Variants in OR13A1 observed in about 807,000 individuals in gnomAD.
OR13A1 encodes the protein olfactory receptor 13A1.
Under a neutral mutation model 7.5 loss-of-function variants are expected in OR13A1, and 10 were observed. That is an observed-to-expected ratio of 1.34 (90% confidence interval 0.83 to 2.27). OR13A1 has a LOEUF of 2.27. OR13A1 is among the 30% of genes most tolerant of loss of function. The probability of loss-of-function intolerance (pLI) is 0.00; values close to 1 mark genes in which losing one functional copy is unlikely to be tolerated. For synonymous variants in OR13A1, 238 were observed against 177.9 expected (o/e 1.34, Z -2.69); for missense variants, 509 against 419.1 (o/e 1.21, Z -1.87).
chr10:45,303,781 A>T lies in OR13A1; in HGVS notation c.642T>A (p.Gly214=), dbSNP rs771786724. 6.2e-7 allele frequency: 1 copy of T among 1,613,896 alleles called. No homozygotes were observed. The highest frequency in any genetic ancestry group is 8.5e-7 in the Non-Finnish European group (1 of 1,180,048). ...AAGCATCCGCCAGGACAATCATGACACCGTTGACGTAGGTGGAGCTGCAGG... is the reference window on the plus strand; with the variant it reads ...AAGCATCCGCCAGGACAATCATGACTCCGTTGACGTAGGTGGAGCTGCAGG... The part of the protein sequence containing the change: ...LLSCSSTYVN[G]VMIVLADAFY... Residue 214 remains glycine, a synonymous_variant, in exon 4 of 4, where the codon GGT becomes GGA. Transcript: ENST00000553795.
In OR13A1 at chr10:45,312,516, G is replaced by GA. The variant is rs1456832155; in HGVS notation, c.-225+3007dup. ...ACTAAAAATACCTTCTGAAAATGAA[G>GA]AAAAAACATTTCACAAATATAAAAG... On this transcript the variant is annotated intron_variant, in intron 1 of 3. Transcript: ENST00000553795. 4.0e-5 allele frequency among the ~76,000 whole-genome samples: 6 copies of GA among 149,304 alleles called. No individual in the cohort carries two copies. In the East Asian group the frequency reaches 7.9e-4, roughly 20 times the overall value.
intron 1 of OR13A1, among the ~76,000 whole-genome samples, chr10:45,314,791 T>C (rs531625388): frequency 3.2e-4 from 48 of 152,238 alleles, no homozygotes; most frequent in Non-Finnish European, 5.3e-4. Flanking sequence ...GTTAATTATA[T>C]GTCAACAAAT....
chr10:45,311,223 C>T (rs948494513), intron 1 of OR13A1, among the ~76,000 whole-genome samples: 1 of 152,208 alleles, frequency 6.6e-6, no homozygotes, highest in African/African-American at 2.4e-5. Context: ...CAGCCATAGC[C>T]TTGGGTGCAT....
Position 45,303,529 on chromosome 10 carries a change from C to T in OR13A1, c.894G>A (p.Val298=). The part of the protein sequence containing the change: ...KSKLAGLLYT[V]LSPTLNPLIY... ...TGAGGGGGTTGAGGGTAGGACTCAGCACAGTGTACAGCAGGCCAGCCAACT... is the reference window on the plus strand; with the variant it reads ...TGAGGGGGTTGAGGGTAGGACTCAGTACAGTGTACAGCAGGCCAGCCAACT... The change falls in exon 4 of 4, where the codon GTG becomes GTA. Residue 298 remains valine (V), a synonymous_variant. Coordinates refer to ENST00000553795, the MANE Select transcript of OR13A1 (RefSeq NM_001004297.3). 6.2e-7 allele frequency: 1 copy of T among 1,614,110 alleles called. No homozygotes were observed. Among genetic ancestry groups the T allele is most frequent in the Non-Finnish European group, 8.5e-7 (1 of 1,180,032 alleles).
intron 1 of OR13A1, among the ~76,000 whole-genome samples, chr10:45,312,566 T>C (rs1265971655): frequency 1.6e-5 from 2 of 122,276 alleles, no homozygotes; most frequent in Non-Finnish European, 3.6e-5. Context: ...CATCAGAAGA[T>C]ATGAACAAAA....
At position 45,303,822 on chromosome 10, in the gene OR13A1, G is replaced by A. The variant is rs539796594; in HGVS notation, c.601C>T (p.Pro201Ser). ...GAGCTGCAGGAGAGAAGCAGCAGGGGAGGGACCTCGCAGAAGAAATGGATA... is the reference window on the plus strand; with the variant it reads ...GAGCTGCAGGAGAGAAGCAGCAGGGAAGGGACCTCGCAGAAGAAATGGATA... ...VIIHFFCEVP[P>S]LLLLSCSSTY... Residue 201 changes from proline to serine, a missense_variant, in exon 4 of 4, where the codon CCC becomes TCC. Pro to Ser is a moderately conservative substitution (Grantham distance 74, BLOSUM62 -1). Coordinates refer to ENST00000553795, the MANE Select transcript of OR13A1 (RefSeq NM_001004297.3). 3.1e-6 allele frequency: 5 copies of A among 1,613,108 alleles called. No individual in the cohort carries two copies. Among genetic ancestry groups the A allele is most frequent in the African/African-American group, 2.7e-5 (2 of 75,066 alleles).
At chr10:45,306,479 A>G (rs2133039285) in intron 3 of OR13A1, among the ~76,000 whole-genome samples, 1 of 152,228 alleles carries the variant, frequency 6.6e-6, no homozygotes, top group Middle Eastern at 3.4e-3. Context: ...GTTAACGAAG[A>G]TATTCATTTT....
intron 3 of OR13A1, 42 bp from the exon 4 acceptor site, chr10:45,304,476 C>T (rs912111489): frequency 2.6e-6 from 4 of 1,532,192 alleles, no homozygotes; most frequent in Admixed American, 3.7e-5. Context: ...AGGCTGCTCC[C>T]GTGTTTCTTC....
chr10:45,304,403 C>T lies in OR13A1; in HGVS notation c.20G>A (p.Ser7Asn), dbSNP rs760841549. 6.2e-7 allele frequency: 1 copy of T among 1,613,038 alleles called. No homozygotes were observed. Among genetic ancestry groups the T allele is most frequent in the Non-Finnish European group, 8.5e-7 (1 of 1,179,656 alleles). The change falls in exon 4 of 4, where the codon AGT (serine) becomes AAT (asparagine). Residue 7 changes from serine to asparagine, a missense_variant. Physicochemically the swap from Ser to Asn is conservative, Grantham distance 46 (BLOSUM62 1). Transcript: ENST00000553795. MKLWME[S>N]HLIVPETRPS... ...ACGGGTTTCTGGGACTATCAGGTGA[C>T]TCTCCATCCACAGCTTCATGTGATT...
At position 45,302,878 on chromosome 10, in the gene OR13A1, C is replaced by G. The variant is rs530402831; in HGVS notation, c.*558G>C. On this transcript the variant is annotated 3_prime_UTR_variant, in exon 4 of 4. Transcript: ENST00000553795. ...GAAGAAAAGACAAAAGCAGAAACAA[C>G]AGTTTGCATTAAAATCAAACTATTT... 6.6e-6 allele frequency: 1 copy of G among 152,566 alleles called. No homozygotes were observed. Among genetic ancestry groups the G allele is most frequent in the African/African-American group, 2.4e-5 (1 of 41,572 alleles). 9.5% of individuals were successfully genotyped at this position (152,566 alleles called of 1,614,324 possible). A position where few individuals can be genotyped will look rare whatever the true frequency, so the allele number is the denominator to read the frequency against.
chr10:45,310,755 A>T (rs574704638), intron 1 of OR13A1, among the ~76,000 whole-genome samples: 1 of 152,242 alleles, frequency 6.6e-6, no homozygotes, highest in African/African-American at 2.4e-5. Flanking sequence ...CGAGGAAGAA[A>T]AAAAGGATGA....
chr10:45,309,150 C>T (rs1208594804), intron 1 of OR13A1, among the ~76,000 whole-genome samples: 4 of 152,130 alleles, frequency 2.6e-5, no homozygotes, highest in Non-Finnish European at 5.9e-5. Flanking sequence ...TCCCAGCTCA[C>T]AGAATCTGGG....
Position 45,303,751 on chromosome 10 carries a change from G to T in OR13A1, c.672C>A (p.Tyr224Ter). Residue 224 changes from tyrosine to a stop codon, truncating the protein, a stop_gained, in exon 4 of 4, where the codon TAC becomes TAA. Coordinates refer to ENST00000553795, the MANE Select transcript of OR13A1 (RefSeq NM_001004297.3). LOFTEE classifies it low-confidence loss of function (END_TRUNC). ...TGGTCATCAGGAAGTTCACTATGCC[G>T]TAGAAAGCATCCGCCAGGACAATCA... Reference protein sequence around the residue: ...GVMIVLADAFYGIVNFLMTIA... With the variant: ...GVMIVLADAF 2 of 1,614,124 alleles carry T rather than the reference G, an allele frequency of 1.2e-6. No homozygotes were observed. The highest frequency in any genetic ancestry group is 1.7e-6 in the Non-Finnish European group (2 of 1,180,032).
chr10:45,313,950 G>A (rs965857783), intron 1 of OR13A1, among the ~76,000 whole-genome samples: 4 of 143,074 alleles, frequency 2.8e-5, no homozygotes, highest in African/African-American at 1.2e-4. Context: ...AATAAAATCA[G>A]AATAGTATTT....
chr10:45,314,870 G>GA (rs1298676350), intron 1 of OR13A1, among the ~76,000 whole-genome samples: 2 of 152,032 alleles, frequency 1.3e-5, no homozygotes, highest in African/African-American at 4.8e-5. Flanking sequence ...TGAAGAAGTA[G>GA]AAAAAACGAA....
chr10:45,314,293 T>C (rs938997932), intron 1 of OR13A1, among the ~76,000 whole-genome samples: 1 of 151,840 alleles, frequency 6.6e-6, no homozygotes, highest in African/African-American at 2.4e-5. Flanking sequence ...TATAAATATG[T>C]GCATTATAAA....
chr10:45,303,659 G>C lies in OR13A1; in HGVS notation c.764C>G (p.Ala255Gly), dbSNP rs116719900. ...GAGGTGGGAAGAGCAGGTGGAGAAG[G>C]CTTTCTGCCTCCCCCAGGCAGTCTT... ...KVKTAWGRQK[A>G]FSTCSSHLTV... The change falls in exon 4 of 4, where the codon GCC becomes GGC. Residue 255 changes from alanine (A) to glycine (G), a missense_variant. Coordinates refer to ENST00000553795, the MANE Select transcript of OR13A1 (RefSeq NM_001004297.3). The C allele has an allele frequency of 8.5e-4, 1,364 of 1,614,172 alleles. 12 individuals carry two copies. In the African/African-American group the frequency reaches 0.016, roughly 19 times the overall value.
chr10:45,305,887 G>A (rs75063491), intron 3 of OR13A1, among the ~76,000 whole-genome samples: 2,113 of 152,200 alleles, frequency 0.014, 25 homozygotes, highest in Non-Finnish European at 0.021. Context: ...CACAATACAC[G>A]TCACTCCTTG....
intron 1 of OR13A1, 67 bp from the exon 2 acceptor site, chr10:45,307,875 C>CA (rs1221339833): frequency 6.6e-6 from 1 of 152,080 alleles, no homozygotes; most frequent in Admixed American, 6.6e-5. Flanking sequence ...TAATAGTCCT[C>CA]AAAATCTCTG....
Sources: gnomAD v4.1 joint callset for allele counts (sites outside exome capture counted in the v4.1 genomes callset) on GRCh38, gnomAD v4.1.1 for gene constraint, MANE v1.5 for transcripts, NCBI Gene and HGNC (gene_info 2026-07-23, HGNC 2026-07-21) for gene names.